SH3KBP1: variants seen among roughly 807,000 people sequenced by gnomAD.
The protein encoded by SH3KBP1 is SH3 domain containing kinase binding protein 1.
In SH3KBP1, 8 loss-of-function variants were observed where a neutral mutation model predicts 50.1. The observed-to-expected ratio is 0.16, with a 90% CI of 0.09 to 0.29. The LOEUF is 0.29. SH3KBP1 is among the 10% of genes least tolerant of loss of function. The pLI, the probability that SH3KBP1 is intolerant of heterozygous loss-of-function variation, is 1.00. For missense variants in SH3KBP1, 377 were observed against 535.2 expected (o/e 0.70, Z 2.92); for synonymous variants, 227 against 218.6 (o/e 1.04, Z -0.34).
chrX:19,588,388 C>A, intron 12 of SH3KBP1: 1 of 1,106,465 alleles, frequency 9.0e-7, no homozygotes, highest in Non-Finnish European at 1.2e-6. Flanking sequence ...GTGAGCAGGG[C>A]CTAAATGCTG....
chrX:19,540,886 C>T (rs1029858675), intron 16 of SH3KBP1, among the ~76,000 whole-genome samples: 33 of 111,090 alleles, frequency 3.0e-4, no homozygotes, highest in Non-Finnish European at 2.8e-4. Flanking sequence ...CTAAACTCCT[C>T]GAGCCTCAGT....
chrX:19,799,228 A>G (rs991128157), intron 2 of SH3KBP1, among the ~76,000 whole-genome samples: 1 of 111,391 alleles, frequency 9.0e-6, no homozygotes, highest in Non-Finnish European at 1.9e-5. Context: ...ACCTCACTGC[A>G]GAAATGGATG....
At chrX:19,885,608 A>T (rs2147591927) in intron 1 of SH3KBP1, among the ~76,000 whole-genome samples, 1 of 111,037 alleles carries the variant, frequency 9.0e-6, no homozygotes, top group South Asian at 3.9e-4. Context: ...TCATTGAGAT[A>T]CAGAAAGCAC....
At chrX:19,839,548 G>C (rs1371349614) in intron 1 of SH3KBP1, among the ~76,000 whole-genome samples, 1 of 111,596 alleles carries the variant, frequency 9.0e-6, no homozygotes, top group Non-Finnish European at 1.9e-5. Context: ...TGTTGGTCAG[G>C]CTGACTTCAA....
At position 19,603,756 on chromosome X, in the gene SH3KBP1, C is replaced by T. The variant is rs777862530; in HGVS notation, c.1005+4182G>A. Among the ~76,000 whole-genome samples, 7 of 111,996 alleles carry T rather than the reference C, an allele frequency of 6.3e-5. No individual in the cohort carries two copies. In the South Asian group the frequency reaches 2.6e-3, roughly 42 times the overall value. On this transcript the variant is annotated intron_variant, in intron 9 of 17. Coordinates refer to ENST00000397821, the MANE Select transcript of SH3KBP1 (RefSeq NM_031892.3). ...AGGCTGGAGTGCACTGGCATGATCA[C>T]AGCACACTGCAGCCTCAAACTTCTG...
intron 6 of SH3KBP1, among the ~76,000 whole-genome samples, chrX:19,652,384 A>C (rs1435977205): frequency 9.0e-6 from 1 of 111,145 alleles, no homozygotes; most frequent in African/African-American, 3.3e-5. Context: ...AATACTCCTC[A>C]TATTAGCCTG....
At chrX:19,744,280 T>C (rs750923864) in intron 3 of SH3KBP1, among the ~76,000 whole-genome samples, 1 of 112,532 alleles carries the variant, frequency 8.9e-6, no homozygotes, top group African/African-American at 3.2e-5. Context: ...AAAAAGTGTT[T>C]TTTTCATTGA....
At chrX:19,580,316 A>G (rs2066329597) in intron 12 of SH3KBP1, among the ~76,000 whole-genome samples, 1 of 111,764 alleles carries the variant, frequency 8.9e-6, no homozygotes, top group Admixed American at 9.5e-5. Context: ...TCCTGAATCT[A>G]TATCTAGCAC....
intron 6 of SH3KBP1, among the ~76,000 whole-genome samples, chrX:19,668,556 A>G: frequency 9.3e-6 from 1 of 107,939 alleles, no homozygotes; most frequent in Non-Finnish European, 1.9e-5. Flanking sequence ...GCTCAAAAAA[A>G]AGTCTGGAAG....
At chrX:19,557,307 T>C (rs963387581) in intron 13 of SH3KBP1, among the ~76,000 whole-genome samples, 11 of 112,261 alleles carry the variant, frequency 9.8e-5, no homozygotes, top group African/African-American at 3.2e-4. Context: ...AGAAATGTAA[T>C]GTGTTAGGCA....
intron 2 of SH3KBP1, among the ~76,000 whole-genome samples, chrX:19,784,273 A>C (rs1184927194): frequency 8.9e-6 from 1 of 111,961 alleles, no homozygotes; most frequent in Non-Finnish European, 1.9e-5. Flanking sequence ...GATGAGATTC[A>C]TTATAAAGAT....
At chrX:19,599,410 A>C (rs1400970331) in intron 9 of SH3KBP1, among the ~76,000 whole-genome samples, 2 of 112,505 alleles carry the variant, frequency 1.8e-5, no homozygotes, top group African/African-American at 3.2e-5. Flanking sequence ...ACTAACAGAC[A>C]GTGTATGAAG....
intron 11 of SH3KBP1, among the ~76,000 whole-genome samples, chrX:19,590,872 G>A (rs1457799653): frequency 7.0e-5 from 6 of 86,112 alleles, no homozygotes; most frequent in African/African-American, 2.8e-4. Flanking sequence ...ATGTTGCCCA[G>A]GCTGGTCTTG....
intron 13 of SH3KBP1, among the ~76,000 whole-genome samples, chrX:19,560,999 G>T (rs1052832502): frequency 5.0e-4 from 53 of 105,758 alleles, no homozygotes; most frequent in African/African-American, 1.8e-3. Context: ...GCTTGAGCCT[G>T]GGAGGTTGAG....
chrX:19,713,696 T>C (rs1603085882), intron 3 of SH3KBP1, among the ~76,000 whole-genome samples: 1 of 111,895 alleles, frequency 8.9e-6, no homozygotes, highest in East Asian at 2.8e-4. Context: ...GCATTTATCA[T>C]TTCTGTGTAT....
At chrX:19,725,739 T>C (rs769917946) in intron 3 of SH3KBP1, among the ~76,000 whole-genome samples, 3 of 111,864 alleles carry the variant, frequency 2.7e-5, no homozygotes, top group Middle Eastern at 4.6e-3. Context: ...TCCCCTGCAC[T>C]TCCCCACTGG....
intron 2 of SH3KBP1, among the ~76,000 whole-genome samples, chrX:19,783,898 G>C (rs757507882): frequency 9.0e-6 from 1 of 111,469 alleles, no homozygotes; most frequent in Non-Finnish European, 1.9e-5. Context: ...TATTTTCCAA[G>C]AGTTACTTCC....
At chrX:19,842,444 T>C (rs2068249028) in intron 1 of SH3KBP1, among the ~76,000 whole-genome samples, 1 of 111,276 alleles carries the variant, frequency 9.0e-6, no homozygotes, top group Non-Finnish European at 1.9e-5. Context: ...GAGAATAGCT[T>C]GAACCCCAGA....
chrX:19,792,906 C>T (rs1214426618), intron 2 of SH3KBP1, among the ~76,000 whole-genome samples: 1 of 110,053 alleles, frequency 9.1e-6, no homozygotes, highest in African/African-American at 3.3e-5. Context: ...TTAACTGGCT[C>T]AAAATATCAA....
Sources: gnomAD v4.1 joint callset for allele counts (sites outside exome capture counted in the v4.1 genomes callset) on GRCh38, gnomAD v4.1.1 for gene constraint, MANE v1.5 for transcripts, NCBI Gene and HGNC (gene_info 2026-07-23, HGNC 2026-07-21) for gene names.